FAT1: variants seen among roughly 807,000 people sequenced by gnomAD.
FAT1 encodes the protein protocadherin Fat 1.
Under a neutral mutation model 329.8 loss-of-function variants are expected in FAT1, and 171 were observed. That is an observed-to-expected ratio of 0.52 (90% CI 0.46 to 0.59). FAT1 has a LOEUF of 0.59. Among genes scored for constraint, FAT1 ranks in the 20% least tolerant of loss-of-function variants. FAT1 has a pLI of 0.00. For missense variants in FAT1, 5,672 were observed against 5,774.4 expected (o/e 0.98, Z 0.57); for synonymous variants, 2,233 against 2,228.6 (o/e 1.00, Z -0.06).
chr4:186,699,780 G>A (rs1450140084), intron 2 of FAT1, among the ~76,000 whole-genome samples: 1 of 150,598 alleles, frequency 6.6e-6, no homozygotes, highest in African/African-American at 2.4e-5. Flanking sequence ...GACAAATCCA[G>A]CCCTACGAAC....
rs1744638936 is a variant in FAT1 at position 186,706,867 on chromosome 4, C to T, written c.2961G>A (p.Gln987=). 29 of 1,613,876 alleles carry T rather than the reference C, an allele frequency of 1.8e-5. No individual in the cohort carries two copies. The highest frequency in any genetic ancestry group is 2.7e-5 in the African/African-American group (2 of 74,906). The change falls in exon 2 of 27, where the codon CAG becomes CAA. Residue 987 remains glutamine (Q), a synonymous_variant. Transcript: ENST00000441802. ...CTTGCTTCTTCTCAAAGTCCAACTG[C>T]TGGACGATCCTAACTGCTCCACTGA... The part of the protein sequence containing the change: ...DKLSGAVRIV[Q]QLDFEKKQVY...
chr4:186,643,762 T>C (rs1741215789), intron 3 of FAT1, among the ~76,000 whole-genome samples: 2 of 151,596 alleles, frequency 1.3e-5, no homozygotes, highest in Non-Finnish European at 2.9e-5. Context: ...CATTCACGCC[T>C]CTGTGAGCAT....
In FAT1 at chr4:186,708,282, T is replaced by C. The variant is rs770823627; in HGVS notation, c.1546A>G (p.Thr516Ala). 1 of 1,613,748 alleles carries C rather than the reference T, an allele frequency of 6.2e-7. No homozygotes were observed. The highest frequency in any genetic ancestry group is 8.5e-7 in the Non-Finnish European group (1 of 1,179,902). ...NHVPFAIDHFTGAVSTSENLD... is the reference protein window; with the variant it reads ...NHVPFAIDHFAGAVSTSENLD... ...TTTTCTGACGTACTCACGGCACCAG[T>C]GAAATGGTCAATCGCAAACGGCACA... is the stretch of plus-strand genomic sequence containing the variant. Residue 516 changes from threonine (T) to alanine (A), a missense_variant, in exon 2 of 27, where the codon ACT (threonine) becomes GCT (alanine). Physicochemically the swap from Thr to Ala is moderately conservative, Grantham distance 58 (BLOSUM62 0). Coordinates refer to ENST00000441802, the MANE Select transcript of FAT1 (RefSeq NM_005245.4).
chr4:186,649,684 C>T lies in FAT1; in HGVS notation c.3581-9901G>A, dbSNP rs548094023. Reference sequence around the variant, plus strand: ...CTTCCTTAGCGCTTTCAGAGGGAGCCAGGCCCTCACGGCACCTGGAATTCA... The same window carrying T: ...CTTCCTTAGCGCTTTCAGAGGGAGCTAGGCCCTCACGGCACCTGGAATTCA... On this transcript the variant is annotated intron_variant, in intron 3 of 26. Coordinates refer to ENST00000441802, the MANE Select transcript of FAT1 (RefSeq NM_005245.4). Among the ~76,000 whole-genome samples the T allele has an allele frequency of 1.2e-4, 18 of 152,244 alleles. No homozygotes were observed. The South Asian group carries it at 2.5e-3, about 21-fold the overall frequency.
At chr4:186,592,388 T>C (rs1738278691) in intron 26 of FAT1, among the ~76,000 whole-genome samples, 1 of 152,210 alleles carries the variant, frequency 6.6e-6, no homozygotes, top group Non-Finnish European at 1.5e-5. Context: ...AGAATTTTTG[T>C]TTCAAAAAAA....
intron 2 of FAT1, among the ~76,000 whole-genome samples, chr4:186,664,391 T>A (rs1275873889): frequency 6.6e-6 from 1 of 151,820 alleles, no homozygotes; most frequent in Non-Finnish European, 1.5e-5. Context: ...AATACCAGTA[T>A]CCGCAGCACC....
At chr4:186,639,311 T>C (rs540932586) in intron 4 of FAT1, among the ~76,000 whole-genome samples, 6 of 152,322 alleles carry the variant, frequency 3.9e-5, no homozygotes, top group Non-Finnish European at 7.3e-5. Context: ...GTTAAAAAGG[T>C]TGAAACAGAT....
In FAT1 at chr4:186,621,778, G is replaced by A. The variant is rs770396385; in HGVS notation, c.4811-3C>T. On this transcript the variant is annotated splice_region_variant and splice_polypyrimidine_tract_variant and intron_variant, in intron 9 of 26. Transcript: ENST00000441802. ...CATAAAAGAATTTCCAATATTTCCT[G>A]GAAGGAGAGGAAAAAATACATGTTA... 16 of 1,528,534 alleles carry A rather than the reference G, an allele frequency of 1.0e-5. No homozygotes were observed. The highest frequency in any genetic ancestry group is 1.4e-5 in the Non-Finnish European group (16 of 1,138,066). The allele number at this position is 1,528,534 out of a possible 1,614,324, so 94.7% of individuals were successfully genotyped here.
At chr4:186,650,407 A>C (rs1258064946) in intron 3 of FAT1, among the ~76,000 whole-genome samples, 2 of 152,186 alleles carry the variant, frequency 1.3e-5, no homozygotes, top group Non-Finnish European at 1.5e-5. Flanking sequence ...TGCCTGTAAC[A>C]CACAAAAGTT....
rs776046107 is a variant in FAT1 at position 186,603,447 on chromosome 4, G to A, written c.11079C>T (p.Asp3693=). 80 of 1,613,848 alleles carry A rather than the reference G, an allele frequency of 5.0e-5. No individual in the cohort carries two copies. Among genetic ancestry groups the A allele is most frequent in the African/African-American group, 9.3e-5 (7 of 74,906 alleles). The part of the protein sequence containing the change: ...LQSSEPHPHL[D]VLLFVEKPGS... ...CTGGTTTCTCTACAAAAAGTAAGAC[G>A]TCCAGATGTGGGTGAGGTTCAGAGG... Residue 3693 remains aspartate, a synonymous_variant, in exon 19 of 27, where the codon GAC becomes GAT. Transcript: ENST00000441802.
chr4:186,614,900 T>C (rs1739632009), intron 11 of FAT1, among the ~76,000 whole-genome samples: 1 of 152,132 alleles, frequency 6.6e-6, no homozygotes, highest in Admixed American at 6.5e-5. Flanking sequence ...GTGATCCTGG[T>C]GCCCTCTCTC....
chr4:186,670,008 A>C (rs1020448105), intron 2 of FAT1, among the ~76,000 whole-genome samples: 2 of 152,240 alleles, frequency 1.3e-5, no homozygotes, highest in African/African-American at 4.8e-5. Context: ...GCAACACAGT[A>C]ATCTTTAAGG....
chr4:186,614,401 T>C, intron 11 of FAT1, 57 bp from the exon 12 acceptor site: 2 of 1,141,582 alleles, frequency 1.8e-6, no homozygotes, highest in East Asian at 5.6e-5. Context: ...AGCACAAACA[T>C]CAAGGGAATA....
intron 2 of FAT1, among the ~76,000 whole-genome samples, chr4:186,670,849 T>C (rs1230263084): frequency 6.6e-6 from 1 of 152,140 alleles, no homozygotes; most frequent in Non-Finnish European, 1.5e-5. Context: ...AAATGTCATG[T>C]GGGAGCTTGG....
rs1290003021 is a variant in FAT1 at position 186,709,399 on chromosome 4, A to G, written c.429T>C (p.Asn143=). 1 of 1,613,814 alleles carries G rather than the reference A, an allele frequency of 6.2e-7. No homozygotes were observed. Among genetic ancestry groups the G allele is most frequent in the Non-Finnish European group, 8.5e-7 (1 of 1,179,854 alleles). ...TGGGTGAGAATAACGGTCTCAAGTC[A>G]TTTGTATCCAGCACCTGCACCCTGA... ...TKVRVQVLDT[N]DLRPLFSPTS... The change falls in exon 2 of 27, where the codon AAT becomes AAC. Residue 143 remains asparagine, a synonymous_variant. Coordinates refer to ENST00000441802, the MANE Select transcript of FAT1 (RefSeq NM_005245.4).
chr4:186,694,345 A>G (rs1407765866), intron 2 of FAT1, among the ~76,000 whole-genome samples: 2 of 152,198 alleles, frequency 1.3e-5, no homozygotes, highest in Non-Finnish European at 2.9e-5. Context: ...TCCTTTAATC[A>G]TCCTAAAGAG....
At chr4:186,714,153 G>A (rs1322516513) in intron 1 of FAT1, among the ~76,000 whole-genome samples, 1 of 152,234 alleles carries the variant, frequency 6.6e-6, no homozygotes, top group Non-Finnish European at 1.5e-5. Context: ...CAGGGCAGAA[G>A]CTGGAGGGCG....
intron 2 of FAT1, among the ~76,000 whole-genome samples, chr4:186,682,137 G>C (rs1451948374): frequency 6.6e-6 from 1 of 152,192 alleles, no homozygotes; most frequent in Non-Finnish European, 1.5e-5. Context: ...CAGCTGGGAA[G>C]AAAACCTAGG....
rs192067695 is a variant in FAT1 at position 186,692,299 on chromosome 4, C to A, written c.3265+14264G>T. ...AATACTAAGTGGTATTAAAATACATCTTAGGTTATTTATTTATTTATTTAT... is the reference window on the plus strand; with the variant it reads ...AATACTAAGTGGTATTAAAATACATATTAGGTTATTTATTTATTTATTTAT... On this transcript the variant is annotated intron_variant, in intron 2 of 26. Coordinates refer to ENST00000441802, the MANE Select transcript of FAT1 (RefSeq NM_005245.4). Among the ~76,000 whole-genome samples the A allele has an allele frequency of 2.2e-3, 289 of 130,070 alleles. 2 individuals carry two copies. The highest frequency in any genetic ancestry group is 7.8e-3 in the African/African-American group (279 of 35,950). The allele number at this position is 130,070 out of a possible 152,430, so 85.3% of individuals were successfully genotyped here.
Sources: gnomAD v4.1 joint callset for allele counts (sites outside exome capture counted in the v4.1 genomes callset) on GRCh38, gnomAD v4.1.1 for gene constraint, MANE v1.5 for transcripts, NCBI Gene and HGNC (gene_info 2026-07-23, HGNC 2026-07-21) for gene names.